Variants in TBC1D1 observed in about 807,000 individuals in gnomAD.
TBC1D1 encodes TBC1 domain family member 1, also known as TBC1 (tre-2/USP6, BUB2, cdc16) domain family, member 1.
In TBC1D1, 89 loss-of-function variants were observed where a neutral mutation model predicts 125.6. That is an observed-to-expected ratio of 0.71 (90% CI 0.60 to 0.85). The LOEUF (loss-of-function observed/expected upper bound fraction) is 0.85. Ranked by LOEUF, TBC1D1 falls within the 40% of genes least tolerant of loss-of-function variation. The pLI, the probability that TBC1D1 is intolerant of heterozygous loss-of-function variation, is 0.00. For missense variants in TBC1D1, 1,377 were observed against 1,469.2 expected (o/e 0.94, Z 1.03); for synonymous variants, 565 against 564.1 (o/e 1.00, Z -0.02).
At position 37,902,289 on chromosome 4, in the gene TBC1D1, G is replaced by A. The variant is rs1716236160; in HGVS notation, c.194G>A (p.Arg65Gln). Residue 65 changes from arginine (R) to glutamine (Q), a missense_variant, in exon 2 of 20, where the codon CGG becomes CAG. Physicochemically the swap from Arg to Gln is conservative, Grantham distance 43. Around this residue, in one of 3 missense-constraint regions of TBC1D1, gnomAD observed 822 missense variants for 824.6 expected, o/e 1.00. Coordinates refer to ENST00000261439, the MANE Select transcript of TBC1D1 (RefSeq NM_015173.4). The stretch of plus-strand genomic sequence containing the variant: ...AAGGAACCTGTAACCAAGCAAGTCC[G>A]GCTTTGCGTTTCACCCTCTGGACTG... 1 of 1,614,086 alleles carries A rather than the reference G, an allele frequency of 6.2e-7. No individual in the cohort carries two copies. The highest frequency in any genetic ancestry group is 8.5e-7 in the Non-Finnish European group (1 of 1,180,012).
chr4:38,006,777 C>T (rs115655970), intron 2 of TBC1D1: 2 of 485,558 alleles, frequency 4.1e-6, no homozygotes, highest in Non-Finnish European at 8.2e-6. Flanking sequence ...CTGCGCCTGG[C>T]CCAACACTAT....
chr4:37,900,337 T>C (rs1312695538), intron 1 of TBC1D1, among the ~76,000 whole-genome samples: 3 of 151,304 alleles, frequency 2.0e-5, no homozygotes, highest in Non-Finnish European at 2.9e-5. Context: ...ACAGTAAGTG[T>C]AGACCTTACC....
chr4:38,082,690 A>G (rs533354520), intron 12 of TBC1D1, among the ~76,000 whole-genome samples: 1 of 152,234 alleles, frequency 6.6e-6, no homozygotes, highest in Admixed American at 6.5e-5. Context: ...CCAGCCGCCC[A>G]TCACTGGGGC....
chr4:38,105,006 T>C (rs1025648264), intron 15 of TBC1D1, among the ~76,000 whole-genome samples: 33 of 152,212 alleles, frequency 2.2e-4, no homozygotes, highest in East Asian at 3.9e-4. Context: ...CCTCCCGCCT[T>C]GGCCTCTCAA....
chr4:38,052,734 A>G (rs887038381), intron 11 of TBC1D1, among the ~76,000 whole-genome samples: 3,301 of 93,856 alleles, frequency 0.035, 47 homozygotes, highest in Non-Finnish European at 0.055. Flanking sequence ...GCGCGCACAC[A>G]CACACACACA....
At chr4:37,997,237 T>A (rs368595978) in intron 2 of TBC1D1, among the ~76,000 whole-genome samples, 2 of 152,228 alleles carry the variant, frequency 1.3e-5, no homozygotes, top group East Asian at 3.8e-4. Context: ...GCTACAAATC[T>A]TCATCTTAGA....
chr4:37,971,824 T>C (rs1198645625), intron 2 of TBC1D1, among the ~76,000 whole-genome samples: 1 of 152,216 alleles, frequency 6.6e-6, no homozygotes, highest in African/African-American at 2.4e-5. Context: ...AATAATGACC[T>C]CTGTGGCTGA....
chr4:38,067,995 C>A (rs1754032264), intron 12 of TBC1D1, among the ~76,000 whole-genome samples: 1 of 152,198 alleles, frequency 6.6e-6, no homozygotes, highest in South Asian at 2.1e-4. Flanking sequence ...TTGTTCTCGC[C>A]TGACGAGAGG....
chr4:37,911,072 G>A (rs906858392), intron 2 of TBC1D1, among the ~76,000 whole-genome samples: 6 of 146,202 alleles, frequency 4.1e-5, no homozygotes, highest in African/African-American at 1.3e-4. Flanking sequence ...TTCCTAAAAA[G>A]TATTTCCAGA....
At chr4:38,023,674 A>G (rs115474941) in intron 6 of TBC1D1, among the ~76,000 whole-genome samples, 113 of 152,366 alleles carry the variant, frequency 7.4e-4, no homozygotes, top group Non-Finnish European at 1.2e-3. Context: ...ATGGTATTCC[A>G]TTCCAAAAGT....
At chr4:38,015,333 C>A (rs1325578895) in intron 3 of TBC1D1, among the ~76,000 whole-genome samples, 1 of 152,188 alleles carries the variant, frequency 6.6e-6, no homozygotes, top group Non-Finnish European at 1.5e-5. Context: ...GGAAAACACC[C>A]TCTCTACTAT....
intron 2 of TBC1D1, among the ~76,000 whole-genome samples, chr4:37,922,958 C>T (rs13103978): frequency 0.38 from 56,443 of 148,872 alleles, 10,915 homozygotes; most frequent in East Asian, 0.64. Flanking sequence ...AGTTCTCTCT[C>T]TTTTTTTTTT....
intron 2 of TBC1D1, chr4:37,961,032 C>T: frequency 6.2e-7 from 1 of 1,613,022 alleles, no homozygotes; most frequent in South Asian, 1.1e-5. Flanking sequence ...TTTGCTATGA[C>T]ATAGATATTT....
chr4:37,958,581 G>A (rs562150927), intron 2 of TBC1D1, among the ~76,000 whole-genome samples: 291 of 152,204 alleles, frequency 1.9e-3, no homozygotes, highest in Non-Finnish European at 3.6e-3. Context: ...CCTCCAGAAA[G>A]TGTTCCTGGA....
At chr4:37,990,566 G>A (rs1043637008) in intron 2 of TBC1D1, among the ~76,000 whole-genome samples, 1 of 152,128 alleles carries the variant, frequency 6.6e-6, no homozygotes, top group African/African-American at 2.4e-5. Flanking sequence ...GTACATCTAA[G>A]GCCAAAGCCT....
chr4:38,014,211 CT>C lies in TBC1D1; in HGVS notation c.418-297del. Reference sequence around the variant, plus strand: ...AGGTTGGGCTGTGTGTGTTCCCGGGCTGGTGGTTTAACCTTGCAGGGTGCTG... The same window carrying C: ...AGGTTGGGCTGTGTGTGTTCCCGGGCGGTGGTTTAACCTTGCAGGGTGCTG... On this transcript the variant is annotated intron_variant, in intron 2 of 19. Coordinates refer to ENST00000261439, the MANE Select transcript of TBC1D1 (RefSeq NM_015173.4). The surrounding 1 kb of genome is among the most constrained non-coding windows in gnomAD (Gnocchi z 5.1). Among the ~76,000 whole-genome samples the C allele has an allele frequency of 6.6e-6, 1 of 152,294 alleles. No homozygotes were observed. The highest frequency in any genetic ancestry group is 1.9e-4 in the East Asian group (1 of 5,176).
intron 14 of TBC1D1, among the ~76,000 whole-genome samples, chr4:38,101,108 A>G (rs576162091): frequency 2.0e-4 from 31 of 152,324 alleles, no homozygotes; most frequent in Admixed American, 1.3e-3. Context: ...CGTGCATGGA[A>G]TGGCGATGGT....
chr4:38,133,333 G>A, intron 19 of TBC1D1, 76 bp downstream of exon 21: 1 of 1,420,034 alleles, frequency 7.0e-7, no homozygotes, highest in East Asian at 2.3e-5. Context: ...GGCAACAGCA[G>A]GCTGGGCTTT....
chr4:37,977,664 A>C lies in TBC1D1; in HGVS notation c.418-36845A>C. ...CGGCGGGGGGCGAGCGGCGGGCGCG[A>C]CCAGGTCGTTAGCCGCGCGTTTCTC... On this transcript the variant is annotated intron_variant, in intron 2 of 19. Coordinates refer to ENST00000261439, the MANE Select transcript of TBC1D1 (RefSeq NM_015173.4). The surrounding 1 kb of genome is among the most constrained non-coding windows in gnomAD (Gnocchi z 4.3). 5.9e-6 allele frequency: 1 copy of C among 168,900 alleles called. No homozygotes were observed. The highest frequency in any genetic ancestry group is 1.2e-5 in the Non-Finnish European group (1 of 81,974). 10.5% of individuals were successfully genotyped at this position (168,900 alleles called of 1,614,324 possible).
Sources: gnomAD v4.1 joint callset for allele counts (sites outside exome capture counted in the v4.1 genomes callset) on GRCh38, gnomAD v4.1.1 for gene constraint, gnomAD v4.1.1 regional missense constraint, Gnocchi (gnomAD v3.1) non-coding constraint, MANE v1.5 for transcripts, NCBI Gene and HGNC (gene_info 2026-07-23, HGNC 2026-07-21) for gene names.